The following MAOA variants were observed in gnomAD, a reference collection of about 807,000 sequenced individuals.
MAOA encodes amine oxidase [flavin-containing] A.
In MAOA, 6 loss-of-function variants were observed where a neutral mutation model predicts 42.0. That is an observed-to-expected ratio of 0.14 (90% confidence interval 0.08 to 0.28). The LOEUF (loss-of-function observed/expected upper bound fraction) is 0.28. Ranked by LOEUF, MAOA falls within the 10% of genes least tolerant of loss-of-function variation. The pLI, the probability that MAOA is intolerant of heterozygous loss-of-function variation, is 1.00. For missense variants in MAOA, 262 were observed against 422.3 expected (o/e 0.62, Z 3.33); for synonymous variants, 140 against 154.0 (o/e 0.91, Z 0.67).
At chrX:43,724,066 G>A (rs2033813047) in intron 5 of MAOA, among the ~76,000 whole-genome samples, 1 of 111,493 alleles carries the variant, frequency 9.0e-6, no homozygotes, top group Non-Finnish European at 1.9e-5. Context: ...TTGATGTGCT[G>A]CTGGATTTGG....
intron 1 of MAOA, among the ~76,000 whole-genome samples, chrX:43,681,205 G>A (rs183066853): frequency 1.8e-5 from 2 of 111,669 alleles, no homozygotes; most frequent in African/African-American, 3.3e-5. Context: ...AAACAACACT[G>A]TAAGTGTTGG....
intron 5 of MAOA, among the ~76,000 whole-genome samples, chrX:43,727,173 C>A (rs934895634): frequency 9.8e-5 from 11 of 112,158 alleles, no homozygotes; most frequent in African/African-American, 2.9e-4. Flanking sequence ...TTGAGGCAGT[C>A]TGTCCGTTAT....
At chrX:43,699,354 ATT>A (rs66493247) in intron 3 of MAOA, among the ~76,000 whole-genome samples, 144 of 91,612 alleles carry the variant, frequency 1.6e-3, no homozygotes, top group East Asian at 2.1e-3. Context: ...GTTGGATTCC[ATT>A]TTTTTTTTTT....
At chrX:43,711,437 A>G (rs1338111852) in intron 3 of MAOA, among the ~76,000 whole-genome samples, 1 of 111,872 alleles carries the variant, frequency 8.9e-6, no homozygotes, top group Non-Finnish European at 1.9e-5. Flanking sequence ...CCACTTTGCT[A>G]TTCTTGTCCT....
intron 1 of MAOA, among the ~76,000 whole-genome samples, chrX:43,669,219 G>T (rs1165419421): frequency 9.6e-6 from 1 of 104,602 alleles, no homozygotes; most frequent in African/African-American, 3.5e-5. Context: ...GACCAACCTG[G>T]CCAACATGGT....
At chrX:43,702,955 G>A (rs995436641) in intron 3 of MAOA, among the ~76,000 whole-genome samples, 8 of 111,327 alleles carry the variant, frequency 7.2e-5, no homozygotes, top group African/African-American at 2.6e-4. Context: ...GACAAAAGTG[G>A]ACCCTGGGAC....
intron 2 of MAOA, among the ~76,000 whole-genome samples, chrX:43,692,838 C>T (rs1056165613): frequency 4.5e-4 from 50 of 111,711 alleles, no homozygotes; most frequent in African/African-American, 1.4e-3. Flanking sequence ...TTTCCTATGA[C>T]GCATTCTTTC....
chrX:43,658,077 C>T (rs1045314197), intron 1 of MAOA: 1 of 275,100 alleles, frequency 3.6e-6, no homozygotes, highest in Non-Finnish European at 5.0e-6. Flanking sequence ...ACTGCTGTTT[C>T]CCAAAATCTG....
intron 5 of MAOA, among the ~76,000 whole-genome samples, chrX:43,727,454 T>C (rs1280677668): frequency 8.9e-6 from 1 of 112,069 alleles, no homozygotes; most frequent in Non-Finnish European, 1.9e-5. Context: ...TGGCTTTGTT[T>C]ACACTGTGAG....
At chrX:43,712,108 A>C in intron 4 of MAOA, 132 bp downstream of exon 4, 2 of 535,654 alleles carry the variant, frequency 3.7e-6, no homozygotes. Context: ...CCCAAACTGC[A>C]AAGTTGGTCG....
chrX:43,677,717 C>G (rs1339230207), intron 1 of MAOA, among the ~76,000 whole-genome samples: 2 of 111,636 alleles, frequency 1.8e-5, no homozygotes, highest in Non-Finnish European at 3.8e-5. Context: ...TGAAATCTAT[C>G]ATATCTCCTT....
chrX:43,707,300 G>T (rs1022336103), intron 3 of MAOA, among the ~76,000 whole-genome samples: 3 of 111,386 alleles, frequency 2.7e-5, no homozygotes, highest in Non-Finnish European at 5.7e-5. Flanking sequence ...TAATGGGATG[G>T]ATACATCCCT....
chrX:43,681,141 A>G (rs1207357073), intron 1 of MAOA, among the ~76,000 whole-genome samples: 1 of 111,225 alleles, frequency 9.0e-6, no homozygotes, highest in Non-Finnish European at 1.9e-5. Context: ...TTCCTGCCTC[A>G]GGTCTCACTA....
In MAOA at chrX:43,743,920, C is replaced by T. The variant is rs2147108423; in HGVS notation, c.1374+15C>T. 2 of 1,168,619 alleles carry T rather than the reference C, an allele frequency of 1.7e-6. No homozygotes were observed. The highest frequency in any genetic ancestry group is 2.3e-6 in the Non-Finnish European group (2 of 873,584). The stretch of plus-strand genomic sequence containing the variant: ...CAGCTAGGGAGGTAAGCAGGAAAGC[C>T]CAGGCTCTCTCCCTCCCGAGTCACG... On this transcript the variant is annotated intron_variant, in intron 13 of 14. Coordinates refer to ENST00000338702, the MANE Select transcript of MAOA (RefSeq NM_000240.4).
chrX:43,699,762 G>C (rs1041139624), intron 3 of MAOA, among the ~76,000 whole-genome samples: 1 of 111,117 alleles, frequency 9.0e-6, no homozygotes, highest in Non-Finnish European at 1.9e-5. Context: ...GGAATACTAA[G>C]TAAATTTTGT....
chrX:43,683,950 A>G (rs1281985047), intron 2 of MAOA, among the ~76,000 whole-genome samples: 1 of 54,673 alleles, frequency 1.8e-5, no homozygotes, highest in Non-Finnish European at 3.9e-5. Flanking sequence ...CACCCGCAAT[A>G]CACACAGACA....
At chrX:43,694,632 A>G (rs1471059869) in intron 3 of MAOA, among the ~76,000 whole-genome samples, 1 of 112,094 alleles carries the variant, frequency 8.9e-6, no homozygotes, top group Non-Finnish European at 1.9e-5. Context: ...ATCAAAAAGG[A>G]AAAACCCCTT....
chrX:43,684,792 G>A (rs373453433), intron 2 of MAOA, among the ~76,000 whole-genome samples: 2 of 110,670 alleles, frequency 1.8e-5, no homozygotes, highest in South Asian at 3.9e-4. Context: ...CAGAAGTCTG[G>A]TGGCAGATAG....
chrX:43,720,482 C>G (rs1477744034), intron 5 of MAOA, among the ~76,000 whole-genome samples: 1 of 108,960 alleles, frequency 9.2e-6, no homozygotes, highest in Non-Finnish European at 1.9e-5. Context: ...AATGACATAG[C>G]TGGGAATGGG....
Sources: allele counts gnomAD v4.1 joint callset (sites outside exome capture counted in the v4.1 genomes callset), GRCh38; gene constraint gnomAD v4.1.1; transcripts MANE v1.5; gene names NCBI Gene and HGNC (gene_info 2026-07-23, HGNC 2026-07-21).